The following GPHN variants were observed in gnomAD, a reference collection of about 807,000 sequenced individuals.
GPHN encodes gephyrin.
In GPHN, 17 loss-of-function variants were observed where a neutral mutation model predicts 95.5. The observed-to-expected ratio is 0.18, with a 90% confidence interval of 0.12 to 0.27. The LOEUF (loss-of-function observed/expected upper bound fraction) is 0.27, where lower values mean the gene tolerates loss of function less well. Among genes scored for constraint, GPHN ranks in the 10% least tolerant of loss-of-function variants. GPHN has a pLI of 1.00. For synonymous variants in GPHN, 320 were observed against 322.5 expected, an observed-to-expected ratio of 0.99 and a Z score of 0.08; for missense variants, 660 against 978.1, an observed-to-expected ratio of 0.67 and a Z score of 4.34.
chr14:67,664,405 T>C, the GPHN span, among the ~76,000 whole-genome samples: 3 of 152,242 alleles, frequency 2.0e-5, no homozygotes, highest in African/African-American at 7.2e-5. Context: ...ATCTATGCTG[T>C]TGCACGTATG....
chr14:67,303,824 G>A, the GPHN span, among the ~76,000 whole-genome samples: 1 of 151,636 alleles, frequency 6.6e-6, no homozygotes, highest in Non-Finnish European at 1.5e-5. Flanking sequence ...GTAGAGTGCA[G>A]TGGTGTGATC....
At chr14:67,230,615 A>C in the GPHN span, among the ~76,000 whole-genome samples, 1 of 152,122 alleles carries the variant, frequency 6.6e-6, no homozygotes, top group Non-Finnish European at 1.5e-5. Context: ...AAAACTAAAA[A>C]CATGTTCACA....
chr14:66,609,203 G>A lies in GPHN; in HGVS notation c.65-71904G>A, dbSNP rs1227115900. 2.0e-5 allele frequency among the ~76,000 whole-genome samples: 3 copies of A among 151,992 alleles called. No individual in the cohort carries two copies. In the East Asian group the frequency reaches 5.8e-4, roughly 29 times the overall value. On this transcript the variant is annotated intron_variant, in intron 1 of 22. Coordinates refer to ENST00000478722, the MANE Select transcript of GPHN (RefSeq NM_020806.5). ...TGGTTACAAATTCTTAGCATTTGAAGCTTACTTTGGTGGGATATGAAATTC... is the reference window on the plus strand; with the variant it reads ...TGGTTACAAATTCTTAGCATTTGAAACTTACTTTGGTGGGATATGAAATTC...
the GPHN span, among the ~76,000 whole-genome samples, chr14:67,287,858 A>G: frequency 2.0e-3 from 310 of 152,340 alleles, no homozygotes; most frequent in African/African-American, 7.0e-3. Context: ...AATTTTCAAA[A>G]TAATGTCAGT....
chr14:66,521,050 G>GCAT (rs1175710294), intron 1 of GPHN, among the ~76,000 whole-genome samples: 3 of 152,060 alleles, frequency 2.0e-5, no homozygotes, highest in Non-Finnish European at 2.9e-5. Context: ...TTTTATGGCT[G>GCAT]CATAGTATTC....
rs112262914 is a variant in GPHN at position 67,107,750 on chromosome 14, C to T, written c.1294-2390C>T. Among the ~76,000 whole-genome samples, 545 of 152,086 alleles carry T rather than the reference C, an allele frequency of 3.6e-3. 8 individuals carry two copies. The highest frequency in any genetic ancestry group is 0.012 in the African/African-American group (505 of 41,480). The stretch of plus-strand genomic sequence containing the variant: ...CAGAGCGCAGCTGTGGTTTGATCCC[C>T]GGGGGGGCCAAGGATCAACACAGAA... On this transcript the variant is annotated intron_variant, in intron 13 of 22. Transcript: ENST00000478722.
At chr14:67,664,001 A>C in the GPHN span, among the ~76,000 whole-genome samples, 23 of 152,218 alleles carry the variant, frequency 1.5e-4, no homozygotes, top group African/African-American at 5.5e-4. Context: ...GATTTTTTAA[A>C]AAAATTTATA....
chr14:67,078,514 A>T (rs1171919666), intron 11 of GPHN, among the ~76,000 whole-genome samples: 1 of 152,084 alleles, frequency 6.6e-6, no homozygotes, highest in Non-Finnish European at 1.5e-5. Context: ...TTTATCCAAC[A>T]CTACTGCTTA....
the GPHN span, among the ~76,000 whole-genome samples, chr14:67,348,256 TAG>T: frequency 3.3e-5 from 5 of 151,886 alleles, no homozygotes; most frequent in Admixed American, 6.6e-5. Context: ...GTATTTTTAG[TAG>T]AGACAGGATT....
At chr14:66,810,653 C>T (rs1180175976) in intron 3 of GPHN, among the ~76,000 whole-genome samples, 2 of 152,062 alleles carry the variant, frequency 1.3e-5, no homozygotes, top group Middle Eastern at 3.4e-3. Context: ...ATGATTTGGC[C>T]GAGTACCTTT....
intron 1 of GPHN, among the ~76,000 whole-genome samples, chr14:66,516,206 C>T (rs902700122): frequency 9.4e-5 from 14 of 148,784 alleles, no homozygotes; most frequent in South Asian, 6.4e-4. Flanking sequence ...TTAGTAGAGA[C>T]AGAGTTTTAC....
chr14:67,285,879 C>G, the GPHN span, among the ~76,000 whole-genome samples: 1 of 151,894 alleles, frequency 6.6e-6, no homozygotes, highest in East Asian at 1.9e-4. Context: ...ATTTGTGGAC[C>G]CATGTGTATG....
At chr14:66,842,658 C>G in intron 4 of GPHN, 1 of 1,531,796 alleles carries the variant, frequency 6.5e-7, no homozygotes. Context: ...TCCCTTTTCT[C>G]TTCTGTTTTT....
At chr14:67,443,484 C>T in the GPHN span, among the ~76,000 whole-genome samples, 2 of 151,560 alleles carry the variant, frequency 1.3e-5, no homozygotes, top group African/African-American at 4.9e-5. Flanking sequence ...GTAGGAGGGC[C>T]AGTGTTCTGG....
intron 1 of GPHN, among the ~76,000 whole-genome samples, chr14:66,589,860 G>A (rs530873401): frequency 4.6e-5 from 7 of 152,140 alleles, no homozygotes; most frequent in South Asian, 4.1e-4. Context: ...CTCTCCACCC[G>A]AAACCAACAG....
At chr14:66,624,931 C>T (rs2063461614) in intron 1 of GPHN, among the ~76,000 whole-genome samples, 1 of 152,128 alleles carries the variant, frequency 6.6e-6, no homozygotes, top group South Asian at 2.1e-4. Flanking sequence ...TCCATGGAGA[C>T]ATAAGCTATG....
chr14:67,436,666 A>G, the GPHN span, among the ~76,000 whole-genome samples: 5 of 152,258 alleles, frequency 3.3e-5, no homozygotes, highest in African/African-American at 1.2e-4. Context: ...AGTTCCTCCC[A>G]TAGGGTCAGA....
chr14:67,361,132 C>G, the GPHN span, among the ~76,000 whole-genome samples: 3 of 152,230 alleles, frequency 2.0e-5, no homozygotes, highest in Admixed American at 6.5e-5. Flanking sequence ...TAACTAAAAC[C>G]TAAGATAAGG....
the GPHN span, among the ~76,000 whole-genome samples, chr14:67,191,920 C>A: frequency 6.6e-5 from 10 of 152,326 alleles, no homozygotes; most frequent in East Asian, 1.9e-3. Flanking sequence ...AACGTACAAC[C>A]TAATGTAGCT....
Sources: gnomAD v4.1 joint callset for allele counts (sites outside exome capture counted in the v4.1 genomes callset) on GRCh38, gnomAD v4.1.1 for gene constraint, MANE v1.5 for transcripts, NCBI Gene and HGNC (gene_info 2026-07-23, HGNC 2026-07-21) for gene names.